Variants in ZNF536 observed in about 807,000 individuals in gnomAD.
ZNF536 encodes the protein zinc finger protein 536.
In ZNF536, 13 loss-of-function variants were observed where a neutral mutation model predicts 84.5. That is an observed-to-expected ratio of 0.15 (90% CI 0.10 to 0.24). The LOEUF is 0.24. Ranked by LOEUF, ZNF536 falls within the 10% of genes least tolerant of loss-of-function variation. The pLI, the probability that ZNF536 is intolerant of heterozygous loss-of-function variation, is 1.00. For missense variants in ZNF536, 1,536 were observed against 1,747.5 expected (o/e 0.88, Z 2.16); for synonymous variants, 811 against 742.5 (o/e 1.09, Z -1.50).
chr19:30,280,940 C>T (rs1276788738), intron 1 of ZNF536, among the ~76,000 whole-genome samples: 2 of 152,136 alleles, frequency 1.3e-5, no homozygotes, highest in African/African-American at 4.8e-5. Context: ...TTCAGCGGGG[C>T]TCATTCAGTG....
At chr19:30,250,709 A>G (rs991578472) in intron 1 of ZNF536, among the ~76,000 whole-genome samples, 4 of 152,106 alleles carry the variant, frequency 2.6e-5, no homozygotes, top group Non-Finnish European at 4.4e-5. Context: ...GATTCCCTAA[A>G]CACTAAGACA....
chr19:30,678,972 C>T lies in ZNF536; in HGVS notation c.170-31785C>T, dbSNP rs369490880. Among the ~76,000 whole-genome samples, 21 of 152,142 alleles carry T rather than the reference C, an allele frequency of 1.4e-4. No individual in the cohort carries two copies. The East Asian group carries it at 2.9e-3, about 21-fold the overall frequency. ...AATAAAATAAAATAAAAGAGTAGCA[C>T]GTTGTTACATAGATGACAAGTCCCC... On this transcript the variant is annotated intron_variant, in intron 1 of 1. Transcript: ENST00000592773.
At chr19:30,435,863 TC>T (rs1289595637) in intron 1 of ZNF536, among the ~76,000 whole-genome samples, 1 of 152,174 alleles carries the variant, frequency 6.6e-6, no homozygotes, top group African/African-American at 2.4e-5. Context: ...TGTCTTCATT[TC>T]TGGGCTGCAG....
At chr19:30,682,014 AG>A (rs916117866) in intron 1 of ZNF536, among the ~76,000 whole-genome samples, 1 of 152,138 alleles carries the variant, frequency 6.6e-6, no homozygotes, top group Non-Finnish European at 1.5e-5. Context: ...GAAAAAAGGG[AG>A]GGCAGTCCCA....
At chr19:30,407,146 T>A (rs180757205) in intron 1 of ZNF536, among the ~76,000 whole-genome samples, 62 of 152,246 alleles carry the variant, frequency 4.1e-4, no homozygotes, top group African/African-American at 1.2e-3. Flanking sequence ...TCCACTTTGC[T>A]CCTCCCTGAC....
rs1419503859 is a variant in ZNF536, at chr19:30,548,811, C to A, written c.3192C>A (p.Gly1064=). ...LPSLQSNKDL[G]LSNMISSLDS... ...CGTTACAATCAAACAAAGACCTGGG[C>A]CTCTCCAATATGATCAGCTCTCTAG... The change falls in exon 4 of 5, where the codon GGC becomes GGA. Residue 1064 remains glycine, a synonymous_variant. Coordinates refer to ENST00000355537, the MANE Select transcript of ZNF536 (RefSeq NM_014717.3). The A allele has an allele frequency of 5.0e-6, 8 of 1,613,970 alleles. No individual in the cohort carries two copies. The highest frequency in any genetic ancestry group is 6.8e-6 in the Non-Finnish European group (8 of 1,180,022).
chr19:30,343,808 A>G (rs1481556050), intron 2 of ZNF536, among the ~76,000 whole-genome samples: 1 of 152,178 alleles, frequency 6.6e-6, no homozygotes, highest in Non-Finnish European at 1.5e-5. Flanking sequence ...CTTCAGGACA[A>G]AGATACACAT....
chr19:30,250,045 C>T (rs1036401565), intron 1 of ZNF536, among the ~76,000 whole-genome samples: 7 of 152,182 alleles, frequency 4.6e-5, no homozygotes, highest in African/African-American at 1.4e-4. Context: ...TGGTAATAAT[C>T]GGTGTGACCT....
chr19:30,585,792 G>A (rs181656604), intron 1 of ZNF536, among the ~76,000 whole-genome samples: 1 of 152,090 alleles, frequency 6.6e-6, no homozygotes. Context: ...GCTGTGTCAA[G>A]CCTCACGTCC....
intron 1 of ZNF536, among the ~76,000 whole-genome samples, chr19:30,689,967 T>G (rs190004951): frequency 6.6e-6 from 1 of 152,262 alleles, no homozygotes; most frequent in Non-Finnish European, 1.5e-5. Flanking sequence ...AAACATCTGG[T>G]TGTTTGAATG....
intron 1 of ZNF536, among the ~76,000 whole-genome samples, chr19:30,416,656 G>T (rs1431375498): frequency 6.6e-6 from 1 of 152,146 alleles, no homozygotes; most frequent in Non-Finnish European, 1.5e-5. Flanking sequence ...GGCACTGGGA[G>T]ACTCAGGTGC....
chr19:30,608,710 G>A (rs2047984550), intron 1 of ZNF536, among the ~76,000 whole-genome samples: 1 of 152,162 alleles, frequency 6.6e-6, no homozygotes, highest in Non-Finnish European at 1.5e-5. Context: ...CATAGTTCTT[G>A]TTGTGTGTTT....
intron 3 of ZNF536, among the ~76,000 whole-genome samples, chr19:30,357,267 C>G (rs2048126521): frequency 2.0e-5 from 3 of 152,152 alleles, no homozygotes; most frequent in Admixed American, 1.3e-4. Flanking sequence ...GGGGCCAGAG[C>G]AGGGTGAAGT....
At chr19:30,412,969 C>T (rs1380481567) in intron 1 of ZNF536, among the ~76,000 whole-genome samples, 1 of 151,894 alleles carries the variant, frequency 6.6e-6, no homozygotes, top group African/African-American at 2.4e-5. Flanking sequence ...TTTTTTTAGA[C>T]AATTCATTTA....
intron 2 of ZNF536, among the ~76,000 whole-genome samples, chr19:30,317,511 G>A (rs1186596861): frequency 6.6e-6 from 1 of 152,160 alleles, no homozygotes; most frequent in Non-Finnish European, 1.5e-5. Flanking sequence ...CCGAGGAGTG[G>A]GTGCCTCTGT....
chr19:30,660,811 A>T (rs2050096055), intron 1 of ZNF536, among the ~76,000 whole-genome samples: 1 of 152,216 alleles, frequency 6.6e-6, no homozygotes, highest in African/African-American at 2.4e-5. Flanking sequence ...AGATGGTGTG[A>T]GTTTCAGTGA....
chr19:30,700,213 C>CTTTCTTTCTTTCTTTCTTTCT (rs1452244836), intron 1 of ZNF536, among the ~76,000 whole-genome samples: 9 of 102,676 alleles, frequency 8.8e-5, no homozygotes, highest in African/African-American at 2.1e-4. Flanking sequence ...TCTTTCTTTC[C>CTTTCTTTCTTTCTTTCTTTCT]TTCTTTCTTT....
intron 2 of ZNF536, among the ~76,000 whole-genome samples, chr19:30,325,964 A>T (rs536963994): frequency 2.0e-5 from 3 of 152,206 alleles, no homozygotes; most frequent in Non-Finnish European, 4.4e-5. Flanking sequence ...TGTGCATCAC[A>T]TACCTTGTCT....
intron 2 of ZNF536, among the ~76,000 whole-genome samples, chr19:30,321,285 G>A (rs1013779944): frequency 6.6e-6 from 1 of 152,200 alleles, no homozygotes; most frequent in East Asian, 1.9e-4. Context: ...GGGCCGGTGC[G>A]ATGGCTCACG....
Sources: gnomAD v4.1 joint callset for allele counts (sites outside exome capture counted in the v4.1 genomes callset) on GRCh38, gnomAD v4.1.1 for gene constraint, MANE v1.5 for transcripts, NCBI Gene and HGNC (gene_info 2026-07-23, HGNC 2026-07-21) for gene names.